FTO: variants seen among roughly 807,000 people sequenced by gnomAD.
FTO encodes the protein FTO alpha-ketoglutarate dependent dioxygenase.
A neutral mutation model predicts 63.9 loss-of-function variants in FTO; 47 were observed. The observed-to-expected ratio is 0.74, with a 90% CI of 0.58 to 0.94. The LOEUF is 0.94. Among genes scored for constraint, FTO ranks in the 40% least tolerant of loss-of-function variants. The probability of loss-of-function intolerance (pLI) is 0.00; values close to 1 mark genes in which losing one functional copy is unlikely to be tolerated. For synonymous variants in FTO, 207 were observed against 224.4 expected (o/e 0.92, Z 0.69); for missense variants, 562 against 618.1 (o/e 0.91, Z 0.96).
At chr16:53,736,353 A>T (rs1285287452) in intron 1 of FTO, among the ~76,000 whole-genome samples, 1 of 150,670 alleles carries the variant, frequency 6.6e-6, no homozygotes, top group Non-Finnish European at 1.5e-5. Flanking sequence ...TTAAAGTATA[A>T]TTAAAAAAAA....
chr16:54,033,061 A>G (rs1373058469), intron 8 of FTO, among the ~76,000 whole-genome samples: 1 of 152,182 alleles, frequency 6.6e-6, no homozygotes, highest in East Asian at 1.9e-4. Flanking sequence ...TGAGTCAATT[A>G]AACCTCTTTT....
chr16:54,056,868 T>C (rs953561752), intron 8 of FTO, among the ~76,000 whole-genome samples: 1 of 152,248 alleles, frequency 6.6e-6, no homozygotes, highest in Admixed American at 6.5e-5. Context: ...AGGTAATTTG[T>C]TACCCGGCAT....
At chr16:53,757,284 A>G (rs1192369513) in intron 1 of FTO, among the ~76,000 whole-genome samples, 1 of 152,118 alleles carries the variant, frequency 6.6e-6, no homozygotes, top group African/African-American at 2.4e-5. Context: ...CATTGTTATT[A>G]ACTGTAGTCA....
chr16:53,984,116 C>T (rs1283465232), intron 8 of FTO, among the ~76,000 whole-genome samples: 4 of 152,038 alleles, frequency 2.6e-5, no homozygotes, highest in Non-Finnish European at 5.9e-5. Context: ...GTGAAGAACA[C>T]AGTTACTCTG....
intron 1 of FTO, among the ~76,000 whole-genome samples, chr16:53,725,797 C>G (rs1225932698): frequency 6.6e-6 from 1 of 152,090 alleles, no homozygotes; most frequent in African/African-American, 2.4e-5. Context: ...TGTAGACCCA[C>G]ACTTTTATAT....
intron 8 of FTO, among the ~76,000 whole-genome samples, chr16:54,008,081 G>C (rs1323936423): frequency 1.3e-5 from 2 of 152,142 alleles, no homozygotes; most frequent in African/African-American, 2.4e-5. Context: ...GAAGCCACCT[G>C]CTCCTTTACA....
intron 8 of FTO, among the ~76,000 whole-genome samples, chr16:53,970,304 CAG>C (rs1278069291): frequency 2.6e-5 from 4 of 152,002 alleles, no homozygotes; most frequent in African/African-American, 9.7e-5. Context: ...TGAAAAACAA[CAG>C]GGGCTGGGCG....
intron 1 of FTO, among the ~76,000 whole-genome samples, chr16:53,752,288 G>A (rs1219191763): frequency 6.6e-6 from 1 of 152,148 alleles, no homozygotes; most frequent in Admixed American, 6.5e-5. Context: ...GGGAGGCAAA[G>A]ATTGGGCTGA....
chr16:54,089,661 A>T (rs779658912), intron 8 of FTO, among the ~76,000 whole-genome samples: 2 of 152,248 alleles, frequency 1.3e-5, no homozygotes, highest in Non-Finnish European at 2.9e-5. Context: ...TGTCCAGAGT[A>T]TGTAAAGAGT....
intron 8 of FTO, among the ~76,000 whole-genome samples, chr16:53,936,532 A>G (rs1457254999): frequency 6.6e-6 from 1 of 152,172 alleles, no homozygotes; most frequent in Admixed American, 6.5e-5. Context: ...GTAGCCGTCA[A>G]ATGGGTGGTG....
chr16:53,928,232 A>C (rs1365805779), intron 7 of FTO, among the ~76,000 whole-genome samples: 2 of 152,196 alleles, frequency 1.3e-5, no homozygotes, highest in East Asian at 3.8e-4. Flanking sequence ...AATGAAATTT[A>C]GCCACCAGGA....
At chr16:53,788,107 T>C (rs2077798246) in intron 1 of FTO, among the ~76,000 whole-genome samples, 1 of 152,196 alleles carries the variant, frequency 6.6e-6, no homozygotes, top group Non-Finnish European at 1.5e-5. Flanking sequence ...GCTGTCAACA[T>C]ATGTAGAATA....
rs533317592 is a variant in FTO at position 53,913,641 on chromosome 16, T to TA, written c.1240-20343dup. ...TCCTTTCTTCCTGAGAAGTAGGAAG[T>TA]ATCACCTCAAGTCTGGGGTAGGCGG... On this transcript the variant is annotated intron_variant, in intron 7 of 8. Coordinates refer to ENST00000471389, the MANE Select transcript of FTO (RefSeq NM_001080432.3). Among the ~76,000 whole-genome samples, 191 of 152,248 alleles carry TA rather than the reference T, an allele frequency of 1.3e-3. 1 individual carries two copies. The highest frequency in any genetic ancestry group is 4.1e-3 in the African/African-American group (170 of 41,544).
At chr16:54,006,384 C>T (rs866318245) in intron 8 of FTO, among the ~76,000 whole-genome samples, 15 of 152,066 alleles carry the variant, frequency 9.9e-5, no homozygotes, top group Non-Finnish European at 1.9e-4. Context: ...AGTTCCTTTT[C>T]GGATGGTAGT....
intron 8 of FTO, among the ~76,000 whole-genome samples, chr16:54,038,594 G>A (rs1157207748): frequency 6.6e-6 from 1 of 152,116 alleles, no homozygotes; most frequent in Non-Finnish European, 1.5e-5. Flanking sequence ...AGGCTGTTTG[G>A]GTCATCTGGG....
intron 1 of FTO, among the ~76,000 whole-genome samples, chr16:53,740,020 T>A (rs1273066067): frequency 6.6e-6 from 1 of 152,216 alleles, no homozygotes; most frequent in Non-Finnish European, 1.5e-5. Flanking sequence ...AAGATAACCA[T>A]GTTGACTTTT....
rs1464954680 is a variant in FTO at position 54,113,486 on chromosome 16, G to A, written c.*1571G>A. 6.6e-6 allele frequency: 1 copy of A among 152,062 alleles called. No homozygotes were observed. Among genetic ancestry groups the A allele is most frequent in the African/African-American group, 2.4e-5 (1 of 41,388 alleles). The allele number at this position is 152,062 out of a possible 1,614,324, so 9.4% of individuals were successfully genotyped here. ...ATGTCACATTAAGCAAAGCAGCCAG[G>A]GTCTCATCGTGTTGAGACTCGAGTC... On this transcript the variant is annotated 3_prime_UTR_variant, in exon 9 of 9. Transcript: ENST00000471389.
intron 8 of FTO, among the ~76,000 whole-genome samples, chr16:54,000,387 A>T (rs2084039610): frequency 6.6e-6 from 1 of 152,214 alleles, no homozygotes; most frequent in Non-Finnish European, 1.5e-5. Flanking sequence ...TCTTCTTGGC[A>T]TTTGAGCTCA....
At chr16:53,810,683 A>C (rs2078496882) in intron 2 of FTO, among the ~76,000 whole-genome samples, 1 of 152,220 alleles carries the variant, frequency 6.6e-6, no homozygotes, top group Non-Finnish European at 1.5e-5. Flanking sequence ...CTGTCTCTGA[A>C]TTAGACACCA....
Sources: allele counts gnomAD v4.1 joint callset (sites outside exome capture counted in the v4.1 genomes callset), GRCh38; gene constraint gnomAD v4.1.1; transcripts MANE v1.5; gene names NCBI Gene and HGNC (gene_info 2026-07-23, HGNC 2026-07-21).